Variants in EMSY observed in about 807,000 individuals in gnomAD.
The protein encoded by EMSY is EMSY transcriptional repressor, BRCA2 interacting.
In EMSY, 26 loss-of-function variants were observed where a neutral mutation model predicts 134.6. The ratio of observed to expected loss-of-function variants is 0.19; its 90% CI spans 0.14 to 0.27. EMSY has a LOEUF of 0.27. EMSY is among the 10% of genes least tolerant of loss of function. The pLI, the probability that EMSY is intolerant of heterozygous loss-of-function variation, is 1.00. For synonymous variants in EMSY, 579 were observed against 577.8 expected (o/e 1.00, Z -0.03); for missense variants, 1,305 against 1,611.4 (o/e 0.81, Z 3.26).
At chr11:76,511,913 G>A (rs1015100039) in intron 9 of EMSY, among the ~76,000 whole-genome samples, 2 of 151,934 alleles carry the variant, frequency 1.3e-5, no homozygotes, top group Non-Finnish European at 2.9e-5. Context: ...TATACTAATA[G>A]AATCATTATT....
At chr11:76,502,512 C>A (rs1015825073) in intron 9 of EMSY, among the ~76,000 whole-genome samples, 1 of 139,408 alleles carries the variant, frequency 7.2e-6, no homozygotes, top group African/African-American at 2.6e-5. Flanking sequence ...TTGCAGATCA[C>A]ATGATCCTTT....
chr11:76,486,671 A>AAAAT (rs1336152013), intron 8 of EMSY, among the ~76,000 whole-genome samples: 1 of 152,120 alleles, frequency 6.6e-6, no homozygotes, highest in Non-Finnish European at 1.5e-5. Flanking sequence ...CATTTGCAAA[A>AAAAT]AAATATACCT....
At chr11:76,545,933 C>T (rs1951630717) in exon 20 of EMSY, 1 of 1,614,202 alleles carries the variant, frequency 6.2e-7, no homozygotes, top group Non-Finnish European at 8.5e-7. Flanking sequence ...AGCATATCTC[C>T]CATTCAGGCC....
At chr11:76,490,973 CCTCT>C (rs1271309238) in intron 8 of EMSY, among the ~76,000 whole-genome samples, 3 of 151,882 alleles carry the variant, frequency 2.0e-5, no homozygotes, top group Admixed American at 1.3e-4. Context: ...TAACTTGTTT[CCTCT>C]CTCTCTGATA....
intron 9 of EMSY, among the ~76,000 whole-genome samples, chr11:76,503,201 T>G (rs1297676424): frequency 6.8e-6 from 1 of 147,406 alleles, no homozygotes; most frequent in Admixed American, 6.9e-5. Flanking sequence ...CTCGGGAGGC[T>G]GAGGCAGGAG....
chr11:76,499,583 G>A (rs558008883), intron 9 of EMSY, among the ~76,000 whole-genome samples: 5 of 152,040 alleles, frequency 3.3e-5, no homozygotes, highest in African/African-American at 1.2e-4. Flanking sequence ...CACTGCGCCC[G>A]GCCCCAATCT....
chr11:76,478,086 T>C (rs992234642), intron 8 of EMSY, among the ~76,000 whole-genome samples: 6 of 152,218 alleles, frequency 3.9e-5, no homozygotes, highest in Non-Finnish European at 7.3e-5. Context: ...TTCTTTAGGC[T>C]GGCCCTGAAT....
chr11:76,532,866 A>G (rs1951093402), intron 14 of EMSY, among the ~76,000 whole-genome samples: 1 of 152,160 alleles, frequency 6.6e-6, no homozygotes, highest in African/African-American at 2.4e-5. Flanking sequence ...CGTCAAGGTG[A>G]GGGTGGGGAA....
intron 6 of EMSY, among the ~76,000 whole-genome samples, chr11:76,463,285 T>C (rs1427262930): frequency 6.7e-6 from 1 of 149,358 alleles, no homozygotes; most frequent in South Asian, 2.1e-4. Context: ...ATCACACCAC[T>C]GCACTCCAGC....
At chr11:76,549,987 C>G in exon 21 of EMSY, 1 of 1,613,524 alleles carries the variant, frequency 6.2e-7, no homozygotes, top group Non-Finnish European at 8.5e-7. Context: ...GTCACTCCAG[C>G]TCCAATGTGG....
rs748406814 is a variant in EMSY, at chr11:76,458,169, TC to T, written c.246-13del. ...ATTGAAAACCCTTGTAGCAGCGCTT[TC>T]TTTTTTGTTTAGTATGTCTGGACCT... On this transcript the variant is annotated splice_polypyrimidine_tract_variant and intron_variant, in intron 4 of 20. Coordinates refer to ENST00000334736, the Ensembl canonical transcript of EMSY. The T allele has an allele frequency of 1.3e-6, 2 of 1,590,794 alleles. No homozygotes were observed. The highest frequency in any genetic ancestry group is 4.5e-5 in the East Asian group (2 of 44,276).
At chr11:76,500,354 C>T (rs571718367) in intron 9 of EMSY, among the ~76,000 whole-genome samples, 7 of 152,246 alleles carry the variant, frequency 4.6e-5, no homozygotes, top group African/African-American at 1.4e-4. Flanking sequence ...GAACTAACTC[C>T]ATTTATACCA....
chr11:76,453,437 A>G (rs1252127341), intron 4 of EMSY, 49 bp downstream of exon 4: 1 of 1,534,862 alleles, frequency 6.5e-7, no homozygotes, highest in Admixed American at 1.8e-5. Context: ...ATAGTATAAC[A>G]CAGTTTTGAA....
At chr11:76,526,922 G>A (rs938016847) in intron 13 of EMSY, among the ~76,000 whole-genome samples, 1 of 152,116 alleles carries the variant, frequency 6.6e-6, no homozygotes, top group African/African-American at 2.4e-5. Context: ...TTTGAGGGGG[G>A]TGGTTGAGGG....
chr11:76,535,334 A>G (rs1367585533), intron 14 of EMSY, among the ~76,000 whole-genome samples: 1 of 152,094 alleles, frequency 6.6e-6, no homozygotes, highest in South Asian at 2.1e-4. Context: ...CTGGTTCTAG[A>G]TCATCTGTCT....
At chr11:76,507,556 G>T (rs1565328466) in intron 9 of EMSY, among the ~76,000 whole-genome samples, 1 of 152,148 alleles carries the variant, frequency 6.6e-6, no homozygotes, top group Non-Finnish European at 1.5e-5. Context: ...TCCATCTCAA[G>T]AAACCACATT....
At chr11:76,491,986 C>G (rs921041790) in intron 8 of EMSY, among the ~76,000 whole-genome samples, 1 of 152,138 alleles carries the variant, frequency 6.6e-6, no homozygotes, top group Non-Finnish European at 1.5e-5. Flanking sequence ...ATGATAGACT[C>G]GTGTGATCAT....
intron 4 of EMSY, among the ~76,000 whole-genome samples, chr11:76,455,395 T>C (rs1565272960): frequency 6.6e-6 from 1 of 152,150 alleles, no homozygotes; most frequent in Non-Finnish European, 1.5e-5. Context: ...GAGGAAGGAA[T>C]AGATCTCTCA....
intron 11 of EMSY, among the ~76,000 whole-genome samples, chr11:76,518,899 T>A (rs1453218487): frequency 6.6e-6 from 1 of 151,104 alleles, no homozygotes; most frequent in Non-Finnish European, 1.5e-5. Flanking sequence ...TAAATAATTC[T>A]ATGACGAACA....
Sources: allele counts gnomAD v4.1 joint callset (sites outside exome capture counted in the v4.1 genomes callset), GRCh38; gene constraint gnomAD v4.1.1; transcripts MANE v1.5; gene names NCBI Gene and HGNC (gene_info 2026-07-23, HGNC 2026-07-21).